The following MEIS2 variants were observed in gnomAD, a reference collection of about 807,000 sequenced individuals.
The protein encoded by MEIS2 is Meis homeobox 2.
In MEIS2, 9 loss-of-function variants were observed where a neutral mutation model predicts 58.6. The observed-to-expected ratio is 0.15, with a 90% CI of 0.09 to 0.27. The LOEUF is 0.27. MEIS2 is among the 10% of genes least tolerant of loss of function. The pLI is 1.00. For missense variants in MEIS2, 427 were observed against 635.0 expected, an observed-to-expected ratio of 0.67 and a Z score of 3.52; for synonymous variants, 221 against 228.4, an observed-to-expected ratio of 0.97 and a Z score of 0.29.
intron 6 of MEIS2, among the ~76,000 whole-genome samples, chr15:37,084,878 C>T (rs751418586): frequency 3.3e-5 from 5 of 152,118 alleles, no homozygotes; most frequent in African/African-American, 7.2e-5. Context: ...GAACAGCATA[C>T]GAAACAGTCC....
chr15:36,960,806 A>G (rs1208227804), intron 8 of MEIS2, among the ~76,000 whole-genome samples: 1 of 152,166 alleles, frequency 6.6e-6, no homozygotes, highest in Admixed American at 6.5e-5. Flanking sequence ...CATGAGAAGC[A>G]TCATTACCAG....
intron 7 of MEIS2, among the ~76,000 whole-genome samples, chr15:37,045,049 A>C (rs1198333630): frequency 6.6e-6 from 1 of 152,172 alleles, no homozygotes; most frequent in African/African-American, 2.4e-5. Context: ...CCCTATCGGC[A>C]CTAGGTTATC....
At position 36,913,267 on chromosome 15, in the gene MEIS2, G is replaced by A. The variant is rs774066859; in HGVS notation, c.978-16581C>T. ...TGTTTTCAAGTTAATCCATAGATGT[G>A]GTTGCAGATTATATTTTTATATTTT... On this transcript the variant is annotated intron_variant, in intron 9 of 11. Transcript: ENST00000561208. Among the ~76,000 whole-genome samples, 67 of 152,226 alleles carry A rather than the reference G, an allele frequency of 4.4e-4. 2 individuals carry two copies. In the Middle Eastern group the frequency reaches 0.041, roughly 93 times the overall value.
chr15:36,979,434 T>C (rs2141499978), intron 8 of MEIS2, among the ~76,000 whole-genome samples: 1 of 152,202 alleles, frequency 6.6e-6, no homozygotes, highest in East Asian at 1.9e-4. Flanking sequence ...CCTCTCCACA[T>C]CTTTGCCAAC....
chr15:36,904,459 G>A (rs917194904), intron 9 of MEIS2, among the ~76,000 whole-genome samples: 1 of 152,104 alleles, frequency 6.6e-6, no homozygotes, highest in African/African-American at 2.4e-5. Flanking sequence ...AAGGAAGCTC[G>A]CATGAACCAC....
Position 36,971,531 on chromosome 15 carries a change from T to G in MEIS2, c.901-21131A>C, listed in dbSNP as rs2059558298. Among the ~76,000 whole-genome samples, 2 of 12,118 alleles carry G rather than the reference T, an allele frequency of 1.7e-4. 1 individual carries two copies. Among genetic ancestry groups the G allele is most frequent in the Non-Finnish European group, 2.7e-4 (2 of 7,466 alleles). The allele number at this position is 12,118 out of a possible 152,430, so 7.9% of individuals were successfully genotyped here. A position where few individuals can be genotyped will look rare whatever the true frequency, so the allele number is the denominator to read the frequency against. ...AGCCCTGTATTACTTGTATGCCTTG[T>G]TACATTAAAAAAAAAAAAAAAAAAA... On this transcript the variant is annotated intron_variant, in intron 8 of 11. Coordinates refer to ENST00000561208, the MANE Select transcript of MEIS2 (RefSeq NM_170675.5).
At position 36,977,258 on chromosome 15, in the gene MEIS2, T is replaced by C. The variant is rs2059789530; in HGVS notation, c.901-26858A>G. ...AAACACACTTTTCAAGAATGTTTTA[T>C]ATACTTATTTAAAACCAGGCTTCTC... On this transcript the variant is annotated intron_variant, in intron 8 of 11. Coordinates refer to ENST00000561208, the MANE Select transcript of MEIS2 (RefSeq NM_170675.5). Among the ~76,000 whole-genome samples the C allele has an allele frequency of 2.0e-5, 3 of 152,178 alleles. No individual in the cohort carries two copies. The South Asian group carries it at 6.2e-4, about 32-fold the overall frequency.
intron 9 of MEIS2, among the ~76,000 whole-genome samples, chr15:36,937,264 G>A (rs879148881): frequency 8.5e-5 from 13 of 152,116 alleles, no homozygotes; most frequent in Admixed American, 3.3e-4. Flanking sequence ...AAATATCAAC[G>A]TCTAGAGTCA....
intron 7 of MEIS2, among the ~76,000 whole-genome samples, chr15:37,051,940 T>C (rs1212027485): frequency 6.6e-6 from 1 of 151,946 alleles, no homozygotes; most frequent in Non-Finnish European, 1.5e-5. Context: ...TCAAATGTCA[T>C]TATAAGATAT....
rs1245647284 is a variant in MEIS2, at chr15:36,971,536, TTAAA to T, written c.901-21140_901-21137del. On this transcript the variant is annotated intron_variant, in intron 8 of 11. Coordinates refer to ENST00000561208, the MANE Select transcript of MEIS2 (RefSeq NM_170675.5). ...TGTATTACTTGTATGCCTTGTTACA[TTAAA>T]AAAAAAAAAAAAAAAAAAAAAAAAG... Among the ~76,000 whole-genome samples, 51 of 65,420 alleles carry T rather than the reference TTAAA, an allele frequency of 7.8e-4. 3 individuals are homozygous for T. The highest frequency in any genetic ancestry group is 3.3e-3 in the African/African-American group (37 of 11,078). The allele number at this position is 65,420 out of a possible 152,430, so 42.9% of individuals were successfully genotyped here. A position where few individuals can be genotyped will look rare whatever the true frequency, so the allele number is the denominator to read the frequency against.
At chr15:36,903,515 C>G (rs1595685838) in intron 9 of MEIS2, among the ~76,000 whole-genome samples, 1 of 152,200 alleles carries the variant, frequency 6.6e-6, no homozygotes, top group East Asian at 1.9e-4. Context: ...ATCTGGATAC[C>G]TACACACCTT....
In MEIS2 at chr15:36,901,328, C is replaced by G. The variant is rs564067775; in HGVS notation, c.978-4642G>C. Among the ~76,000 whole-genome samples the G allele has an allele frequency of 2.0e-5, 3 of 152,258 alleles. No homozygotes were observed. In the Middle Eastern group the frequency reaches 0.01, roughly 518 times the overall value. Reference sequence around the variant, plus strand: ...ATGTTTTCTTACTTTACAAAAAAAGCAAGTATTTCTCTGTGCTATGGTTAC... The same window carrying G: ...ATGTTTTCTTACTTTACAAAAAAAGGAAGTATTTCTCTGTGCTATGGTTAC... On this transcript the variant is annotated intron_variant, in intron 9 of 11. Transcript: ENST00000561208.
chr15:36,960,381 A>C, intron 8 of MEIS2, among the ~76,000 whole-genome samples: 1 of 152,166 alleles, frequency 6.6e-6, no homozygotes, highest in African/African-American at 2.4e-5. Context: ...AAAAACAAGA[A>C]GGAAGTAGCT....
intron 10 of MEIS2, among the ~76,000 whole-genome samples, chr15:36,896,125 G>A (rs913055665): frequency 6.6e-6 from 1 of 152,214 alleles, no homozygotes; most frequent in South Asian, 2.1e-4. Context: ...TGGATGTGAA[G>A]CATTTTATAC....
chr15:37,087,011 G>T (rs1003515583), intron 6 of MEIS2, among the ~76,000 whole-genome samples: 1 of 152,116 alleles, frequency 6.6e-6, no homozygotes, highest in Non-Finnish European at 1.5e-5. Flanking sequence ...CAAGAAAAAT[G>T]GCATGGCTTT....
At chr15:36,947,239 AT>A (rs1290917776) in intron 9 of MEIS2, among the ~76,000 whole-genome samples, 3 of 151,974 alleles carry the variant, frequency 2.0e-5, no homozygotes, top group Non-Finnish European at 2.9e-5. Flanking sequence ...CCTGAAGCAC[AT>A]TTGGATTTGG....
chr15:37,099,505 T>G lies in MEIS2; in HGVS notation c.-39A>C. On this transcript the variant is annotated 5_prime_UTR_variant, in exon 1 of 12. Coordinates refer to ENST00000561208, the MANE Select transcript of MEIS2 (RefSeq NM_170675.5). ...AATAAACTCCTGGATGTGTCGTATA[T>G]TTAATATCCCAGTCCGGATAAGAAA... is the stretch of plus-strand genomic sequence containing the variant. 6.2e-7 allele frequency: 1 copy of G among 1,613,920 alleles called. No homozygotes were observed. Among genetic ancestry groups the G allele is most frequent in the South Asian group, 1.1e-5 (1 of 91,038 alleles).
chr15:36,935,378 A>T (rs2058129436), intron 9 of MEIS2, among the ~76,000 whole-genome samples: 1 of 151,912 alleles, frequency 6.6e-6, no homozygotes, highest in Admixed American at 6.6e-5. Flanking sequence ...AGGTTCCTTA[A>T]ATGTTGCATT....
chr15:37,047,069 C>T (rs1051131306), intron 7 of MEIS2, among the ~76,000 whole-genome samples: 1 of 152,010 alleles, frequency 6.6e-6, no homozygotes, highest in Non-Finnish European at 1.5e-5. Flanking sequence ...ACTCAGTTAC[C>T]TGATAAGCAC....
Sources: gnomAD v4.1 joint callset for allele counts (sites outside exome capture counted in the v4.1 genomes callset) on GRCh38, gnomAD v4.1.1 for gene constraint, MANE v1.5 for transcripts, NCBI Gene and HGNC (gene_info 2026-07-23, HGNC 2026-07-21) for gene names.